SLC25A48: variants seen among roughly 807,000 people sequenced by gnomAD.
SLC25A48 encodes the protein CTC-321K16.1.
SLC25A48 carries 29 observed loss-of-function variants against 32.2 expected under a neutral mutation model. The ratio of observed to expected loss-of-function variants is 0.90; its 90% CI spans 0.67 to 1.23. The LOEUF (loss-of-function observed/expected upper bound fraction) is 1.23. Among genes scored for constraint, SLC25A48 ranks in the 50% most tolerant of loss-of-function variants. The pLI, the probability that SLC25A48 is intolerant of heterozygous loss-of-function variation, is 0.00. For missense variants in SLC25A48, 399 were observed against 422.7 expected, an observed-to-expected ratio of 0.94 and a Z score of 0.49; for synonymous variants, 164 against 172.3, an observed-to-expected ratio of 0.95 and a Z score of 0.38.
In SLC25A48 at chr5:135,817,437, G is replaced by A. The variant is rs115119418; in HGVS notation, c.-117+4511G>A. On this transcript the variant is annotated intron_variant, in intron 4 of 10. Coordinates refer to the SLC25A48 transcript ENST00000646290. ...AAATATGCCAGTGTATATCAATGAG[G>A]GAAAGAAAAGTCTTTTCAGCCAGTG... Among the ~76,000 whole-genome samples, 1,080 of 152,254 alleles carry A rather than the reference G, an allele frequency of 7.1e-3. 12 individuals carry two copies. Among genetic ancestry groups the A allele is most frequent in the African/African-American group, 0.024 (1,011 of 41,530 alleles).
intron 1 of SLC25A48, among the ~76,000 whole-genome samples, chr5:135,598,779 G>A (rs1751718379): frequency 8.0e-6 from 1 of 124,248 alleles, no homozygotes; most frequent in Non-Finnish European, 1.7e-5. Flanking sequence ...ACATTTAAAT[G>A]CATTAAAATT....
intron 1 of SLC25A48, among the ~76,000 whole-genome samples, chr5:135,838,542 C>T (rs990016232): frequency 1.3e-5 from 2 of 152,218 alleles, no homozygotes; most frequent in African/African-American, 4.8e-5. Context: ...CCCCTCCCAT[C>T]ACAGACTCAG....
chr5:135,864,270 C>T (rs1761027123), intron 4 of SLC25A48, among the ~76,000 whole-genome samples: 1 of 152,122 alleles, frequency 6.6e-6, no homozygotes, highest in African/African-American at 2.4e-5. Context: ...CCTCTGAGGC[C>T]CTGAGTGCAT....
intron 2 of SLC25A48, among the ~76,000 whole-genome samples, chr5:135,847,650 G>A (rs997280636): frequency 1.3e-5 from 2 of 152,146 alleles, no homozygotes; most frequent in Non-Finnish European, 2.9e-5. Flanking sequence ...CCACAGAAGA[G>A]GAAGAAAACA....
chr5:135,819,113 T>C (rs1757813342), intron 4 of SLC25A48, among the ~76,000 whole-genome samples: 2 of 150,142 alleles, frequency 1.3e-5, no homozygotes, highest in African/African-American at 4.9e-5. Flanking sequence ...AAATCTAACA[T>C]ACATGACATT....
chr5:135,862,186 C>T (rs914132764), intron 4 of SLC25A48, among the ~76,000 whole-genome samples: 1 of 152,252 alleles, frequency 6.6e-6, no homozygotes, highest in African/African-American at 2.4e-5. Flanking sequence ...ACCCTGCAGA[C>T]CAGTAGTCCC....
chr5:135,858,399 C>T (rs1017135928), intron 4 of SLC25A48, among the ~76,000 whole-genome samples: 6 of 152,220 alleles, frequency 3.9e-5, no homozygotes, highest in Non-Finnish European at 7.3e-5. Flanking sequence ...GGAGGACCCA[C>T]CTCTGCCGTG....
intron 3 of SLC25A48, among the ~76,000 whole-genome samples, chr5:135,758,431 T>C (rs1755976794): frequency 6.6e-6 from 1 of 150,846 alleles, no homozygotes; most frequent in South Asian, 2.1e-4. Context: ...ATCTCTAGTT[T>C]TAATATACTG....
At chr5:135,884,807 G>A (rs1014876747) in intron 7 of SLC25A48, among the ~76,000 whole-genome samples, 10 of 152,154 alleles carry the variant, frequency 6.6e-5, no homozygotes, top group African/African-American at 2.4e-4. Context: ...TGTCCACAAG[G>A]CCAACTGGGG....
At chr5:135,600,884 G>T (rs919618159) in intron 1 of SLC25A48, among the ~76,000 whole-genome samples, 1 of 150,714 alleles carries the variant, frequency 6.6e-6, no homozygotes, top group Non-Finnish European at 1.5e-5. Flanking sequence ...TAGAGACAGG[G>T]TTTCACCATG....
At chr5:135,758,121 A>C (rs752415177) in intron 3 of SLC25A48, among the ~76,000 whole-genome samples, 3 of 150,680 alleles carry the variant, frequency 2.0e-5, no homozygotes, top group Non-Finnish European at 4.5e-5. Context: ...ATATTTATAA[A>C]ATCTCTGGTA....
At chr5:135,750,245 T>C (rs1355539738) in intron 3 of SLC25A48, among the ~76,000 whole-genome samples, 1 of 152,164 alleles carries the variant, frequency 6.6e-6, no homozygotes, top group Non-Finnish European at 1.5e-5. Context: ...TTTTCATCAG[T>C]TATCAAGTGC....
intron 3 of SLC25A48, among the ~76,000 whole-genome samples, chr5:135,642,197 GT>G (rs1752855836): frequency 6.6e-6 from 1 of 152,206 alleles, no homozygotes; most frequent in Non-Finnish European, 1.5e-5. Flanking sequence ...GTGGTGTTTG[GT>G]TTTCTCTTCT....
chr5:135,852,803 A>T lies in SLC25A48; in HGVS notation c.403A>T (p.Thr135Ser). The T allele has an allele frequency of 3.1e-6, 5 of 1,609,672 alleles. No individual in the cohort carries two copies. Among genetic ancestry groups the T allele is most frequent in the Non-Finnish European group, 3.4e-6 (4 of 1,176,346 alleles). ...CATCAAGATCCGGTTGCAGATGCAG[A>T]CACAACCGTTTCGGGACGGTAAGAG... ...DLIKIRLQMQ[T>S]QPFRDANLGL... The change falls in exon 4 of 8, where the codon ACA (threonine) becomes TCA (serine). Residue 135 changes from threonine (T) to serine (S), a missense_variant. Thr to Ser is a moderately conservative substitution (Grantham distance 58). Transcript: ENST00000681962.
chr5:135,813,621 C>A (rs573263893), intron 4 of SLC25A48, among the ~76,000 whole-genome samples: 1 of 152,336 alleles, frequency 6.6e-6, no homozygotes, highest in African/African-American at 2.4e-5. Context: ...GGGGACATTA[C>A]TCTGAAAGTT....
chr5:135,886,613 ATATATATATATATATAT>A (rs1762726440), intron 7 of SLC25A48, among the ~76,000 whole-genome samples: 5 of 41,890 alleles, frequency 1.2e-4, no homozygotes, highest in Middle Eastern at 0.012. Context: ...ATATATATAT[ATATATATATATATATAT>A]ATATATAAAA....
At chr5:135,710,201 A>G (rs1323878879) in intron 3 of SLC25A48, among the ~76,000 whole-genome samples, 2 of 152,144 alleles carry the variant, frequency 1.3e-5, no homozygotes, top group Non-Finnish European at 2.9e-5. Context: ...ATGTAACTCT[A>G]CCTCCTGCTG....
intron 3 of SLC25A48, among the ~76,000 whole-genome samples, chr5:135,638,712 C>T (rs960445593): frequency 6.6e-6 from 1 of 152,188 alleles, no homozygotes; most frequent in Non-Finnish European, 1.5e-5. Flanking sequence ...GGTATCATGT[C>T]ATAGTTTAAT....
rs79594283 is a variant in SLC25A48, at chr5:135,844,137, G to A, written c.90+1678G>A. 2.9e-3 allele frequency among the ~76,000 whole-genome samples: 434 copies of A among 152,224 alleles called. 5 individuals carry two copies. The highest frequency in any genetic ancestry group is 0.01 in the East Asian group (54 of 5,178). On this transcript the variant is annotated intron_variant, in intron 2 of 7. Transcript: ENST00000681962. ...CCTCCATGAGAGCTGGCTAGTTACCGTGCCCAGGCCTGGCTTCCCTAGCCT... is the reference window on the plus strand; with the variant it reads ...CCTCCATGAGAGCTGGCTAGTTACCATGCCCAGGCCTGGCTTCCCTAGCCT...
Sources: gnomAD v4.1 joint callset for allele counts (sites outside exome capture counted in the v4.1 genomes callset) on GRCh38, gnomAD v4.1.1 for gene constraint, MANE v1.5 for transcripts, NCBI Gene and HGNC (gene_info 2026-07-23, HGNC 2026-07-21) for gene names.